TTL: variants seen among roughly 807,000 people sequenced by gnomAD.
TTL encodes the protein tubulin--tyrosine ligase.
TTL carries 10 observed loss-of-function variants against 41.1 expected under a neutral mutation model. The observed-to-expected ratio is 0.24, with a 90% CI of 0.15 to 0.41. The LOEUF is 0.41. Among genes scored for constraint, TTL ranks in the 10% least tolerant of loss-of-function variants. The probability of loss-of-function intolerance (pLI) is 1.00; values close to 1 mark genes in which losing one functional copy is unlikely to be tolerated. For synonymous variants in TTL, 175 were observed against 175.5 expected (o/e 1.00, Z 0.02); for missense variants, 367 against 460.4 (o/e 0.80, Z 1.86).
chr2:112,515,808 G>T (rs184453683), intron 5 of TTL, among the ~76,000 whole-genome samples: 1 of 152,074 alleles, frequency 6.6e-6, no homozygotes, highest in Admixed American at 6.6e-5. Context: ...TTAGCCAGGC[G>T]TGGTGGTGGG....
intron 4 of TTL, among the ~76,000 whole-genome samples, chr2:112,502,576 G>A (rs1681731743): frequency 6.6e-6 from 1 of 151,128 alleles, no homozygotes; most frequent in East Asian, 1.9e-4. Context: ...GGCGGAGGTT[G>A]CAGTGAGCCG....
intron 6 of TTL, chr2:112,521,298 T>C: frequency 1.0e-6 from 1 of 985,216 alleles, no homozygotes; most frequent in South Asian, 4.7e-5. Flanking sequence ...GGGAGAAGGC[T>C]GGTTGTAGCA....
intron 3 of TTL, 118 bp from the exon 4 acceptor site, chr2:112,501,088 G>A: frequency 2.1e-6 from 2 of 942,982 alleles, no homozygotes; most frequent in Non-Finnish European, 3.1e-6. Context: ...AGGGAAAAAG[G>A]TGAGCGGGAC....
intron 5 of TTL, among the ~76,000 whole-genome samples, chr2:112,513,635 G>GTATAAATATAAATATTTATACAAGTATA (rs1559017335): frequency 4.0e-5 from 6 of 148,742 alleles, no homozygotes; most frequent in African/African-American, 1.5e-4. Flanking sequence ...ATACAAGTAT[G>GTATAAATATAAATATTTATACAAGTATA]AATATTTATA....
At chr2:112,526,009 T>C (rs1228836800) in intron 6 of TTL, among the ~76,000 whole-genome samples, 1 of 152,024 alleles carries the variant, frequency 6.6e-6, no homozygotes, top group Admixed American at 6.5e-5. Flanking sequence ...TTGTTGAATT[T>C]TGTCAAAGGC....
In TTL at chr2:112,533,067, T is replaced by C. The variant is rs2104484110; in HGVS notation, c.*4272T>C. On this transcript the variant is annotated 3_prime_UTR_variant, in exon 7 of 7. Coordinates refer to ENST00000233336, the MANE Select transcript of TTL (RefSeq NM_153712.5). The stretch of plus-strand genomic sequence containing the variant: ...ATTAATGCAAATTGTTATTAACTTG[T>C]AACTTCTTGTGCAATAAGGCTGAAT... 6.6e-6 allele frequency: 1 copy of C among 152,376 alleles called. No individual in the cohort carries two copies. The highest frequency in any genetic ancestry group is 2.1e-4 in the South Asian group (1 of 4,826). The allele number at this position is 152,376 out of a possible 1,614,324, so 9.4% of individuals were successfully genotyped here.
intron 2 of TTL, among the ~76,000 whole-genome samples, 167 bp from the exon 3 acceptor site, chr2:112,493,974 AAT>A (rs1681460213): frequency 6.6e-6 from 1 of 152,198 alleles, no homozygotes; most frequent in East Asian, 1.9e-4. Context: ...TGCGCTCCCC[AAT>A]AACGCATTTG....
chr2:112,501,692 A>AC (rs1229202989), intron 4 of TTL, among the ~76,000 whole-genome samples: 1 of 151,928 alleles, frequency 6.6e-6, no homozygotes, highest in Non-Finnish European at 1.5e-5. Flanking sequence ...ACATGGTGAA[A>AC]CCCCGTCTCT....
chr2:112,540,396 C>G lies in TTL; in HGVS notation c.*11601C>G, dbSNP rs913948185. The G allele has an allele frequency of 7.4e-6, 1 of 134,980 alleles. No homozygotes were observed. The highest frequency in any genetic ancestry group is 1.5e-5 in the Non-Finnish European group (1 of 65,588). The allele number at this position is 134,980 out of a possible 1,614,324, so 8.4% of individuals were successfully genotyped here. On this transcript the variant is annotated 3_prime_UTR_variant, in exon 7 of 7. Coordinates refer to ENST00000233336, the MANE Select transcript of TTL (RefSeq NM_153712.5). ...TCATGCCACTGCACTCCATCCTCAG[C>G]AACAAGAGCAAAACTCTGTCTCAAA... is the stretch of plus-strand genomic sequence containing the variant.
At chr2:112,513,979 A>T (rs1681998951) in intron 5 of TTL, among the ~76,000 whole-genome samples, 1 of 152,172 alleles carries the variant, frequency 6.6e-6, no homozygotes, top group Admixed American at 6.5e-5. Flanking sequence ...CTATGATTAT[A>T]GATAGTTAAT....
chr2:112,494,188 C>T lies in TTL; in HGVS notation c.282C>T (p.Phe94=). 6.2e-7 allele frequency: 1 copy of T among 1,614,132 alleles called. No homozygotes were observed. The highest frequency in any genetic ancestry group is 8.5e-7 in the Non-Finnish European group (1 of 1,180,034). Residue 94 remains phenylalanine, a synonymous_variant, in exon 3 of 7, where the codon TTC becomes TTT. Coordinates refer to ENST00000233336, the MANE Select transcript of TTL (RefSeq NM_153712.5). ...AACTGGCTGAGTCCTGCACATGGTT[C>T]CCTGAATCTTATGTGATTTATCCAA... is the stretch of plus-strand genomic sequence containing the variant. ...SPELAESCTW[F]PESYVIYPTN...
At position 112,537,065 on chromosome 2, in the gene TTL, T is replaced by C. The variant is rs1416190519; in HGVS notation, c.*8270T>C. The C allele has an allele frequency of 6.5e-6, 1 of 152,776 alleles. No individual in the cohort carries two copies. Among genetic ancestry groups the C allele is most frequent in the Non-Finnish European group, 1.5e-5 (1 of 68,516 alleles). 9.5% of individuals were successfully genotyped at this position (152,776 alleles called of 1,614,324 possible). ...CCCAGTAATGGGAGGCTATGTTGAA[T>C]GGTAGCTCTGTTTTTGTTTGTTTGT... On this transcript the variant is annotated 3_prime_UTR_variant, in exon 7 of 7. Coordinates refer to ENST00000233336, the MANE Select transcript of TTL (RefSeq NM_153712.5).
chr2:112,512,952 AT>A (rs1464010584), intron 5 of TTL, among the ~76,000 whole-genome samples: 2 of 137,262 alleles, frequency 1.5e-5, no homozygotes, highest in South Asian at 2.2e-4. Context: ...GTCTTCTTTT[AT>A]TTTTTTTTAG....
chr2:112,494,051 C>A, intron 2 of TTL, 92 bp from the exon 3 acceptor site: 1 of 946,114 alleles, frequency 1.1e-6, no homozygotes, highest in Non-Finnish European at 1.6e-6. Context: ...CTTTGCCTCC[C>A]GGAAAGTCTC....
chr2:112,488,201 C>T (rs1681293028), intron 2 of TTL, among the ~76,000 whole-genome samples: 1 of 152,212 alleles, frequency 6.6e-6, no homozygotes, highest in Admixed American at 6.5e-5. Flanking sequence ...TGGTACAGAT[C>T]AGAGGCTATC....
chr2:112,491,748 G>C (rs1681395959), intron 2 of TTL, among the ~76,000 whole-genome samples: 1 of 152,062 alleles, frequency 6.6e-6, no homozygotes, highest in South Asian at 2.1e-4. Context: ...TACTTATCAA[G>C]TTTATTATGT....
chr2:112,491,998 T>G (rs1255086536), intron 2 of TTL, among the ~76,000 whole-genome samples: 1 of 152,196 alleles, frequency 6.6e-6, no homozygotes, highest in Admixed American at 6.5e-5. Flanking sequence ...AGGAAGAAAT[T>G]CTATTTCACC....
chr2:112,512,272 T>G (rs1475657772), intron 5 of TTL, among the ~76,000 whole-genome samples: 1 of 151,472 alleles, frequency 6.6e-6, no homozygotes, highest in Non-Finnish European at 1.5e-5. Flanking sequence ...TGTATTTTTT[T>G]TTTTTTTTGA....
At chr2:112,510,087 CT>C (rs1293407621) in intron 5 of TTL, among the ~76,000 whole-genome samples, 1 of 151,964 alleles carries the variant, frequency 6.6e-6, no homozygotes, top group Non-Finnish European at 1.5e-5. Flanking sequence ...CATTCTCTTC[CT>C]TTTGCTTTTT....
Sources: allele counts gnomAD v4.1 joint callset (sites outside exome capture counted in the v4.1 genomes callset), GRCh38; gene constraint gnomAD v4.1.1; transcripts MANE v1.5; gene names NCBI Gene and HGNC (gene_info 2026-07-23, HGNC 2026-07-21).